The following CTIF variants were observed in gnomAD, a reference collection of about 807,000 sequenced individuals.
The protein encoded by CTIF is CBP80/20-dependent translation initiation factor.
In CTIF, 21 loss-of-function variants were observed where a neutral mutation model predicts 66.0. That is an observed-to-expected ratio of 0.32 (90% confidence interval 0.23 to 0.46). The LOEUF is 0.46. CTIF is among the 20% of genes least tolerant of loss of function. The pLI is 1.00. For synonymous variants in CTIF, 345 were observed against 326.4 expected, an observed-to-expected ratio of 1.06 and a Z score of -0.62; for missense variants, 739 against 812.7, an observed-to-expected ratio of 0.91 and a Z score of 1.10.
intron 3 of CTIF, among the ~76,000 whole-genome samples, chr18:48,639,067 C>T (rs2090878732): frequency 6.6e-6 from 1 of 152,232 alleles, no homozygotes; most frequent in African/African-American, 2.4e-5. Context: ...ACACCCCCTG[C>T]CACAGACATG....
intron 9 of CTIF, among the ~76,000 whole-genome samples, chr18:48,767,476 A>G (rs1909682105): frequency 6.6e-6 from 1 of 152,196 alleles, no homozygotes; most frequent in African/African-American, 2.4e-5. Context: ...TGCTCTGTTT[A>G]GCCAAGAGGT....
chr18:48,850,994 C>G (rs1017012421), intron 10 of CTIF, among the ~76,000 whole-genome samples: 6 of 152,222 alleles, frequency 3.9e-5, no homozygotes, highest in African/African-American at 1.4e-4. Context: ...TTGAGAAAAC[C>G]CAGCAGGCCG....
At chr18:48,797,587 G>A (rs2067955133) in intron 9 of CTIF, among the ~76,000 whole-genome samples, 1 of 151,584 alleles carries the variant, frequency 6.6e-6, no homozygotes, top group African/African-American at 2.4e-5. Context: ...CTGGGGATTT[G>A]CTGGGGAGAC....
intron 3 of CTIF, among the ~76,000 whole-genome samples, chr18:48,661,052 G>T (rs1257226719): frequency 6.6e-6 from 1 of 152,198 alleles, no homozygotes; most frequent in African/African-American, 2.4e-5. Context: ...TTACAAAGTG[G>T]CATCTCCTCA....
Position 48,666,583 on chromosome 18 carries a change from C to T in CTIF, c.431+2032C>T, listed in dbSNP as rs777680124. On this transcript the variant is annotated intron_variant, in intron 5 of 11. Coordinates refer to ENST00000256413, the MANE Select transcript of CTIF (RefSeq NM_014772.3). ...CTGGGGAGAGGCCCATCACTTGCAT[C>T]CGACTCTCCCAGGAGACACCAGCCT... 5.4e-4 allele frequency among the ~76,000 whole-genome samples: 82 copies of T among 152,208 alleles called. 2 individuals carry two copies. The highest frequency in any genetic ancestry group is 1.6e-4 in the Non-Finnish European group (11 of 68,038).
At chr18:48,679,867 G>T (rs1291352689) in intron 6 of CTIF, among the ~76,000 whole-genome samples, 1 of 152,168 alleles carries the variant, frequency 6.6e-6, no homozygotes, top group Non-Finnish European at 1.5e-5. Flanking sequence ...GGGGTGGCCT[G>T]GGAGGGGAGA....
intron 1 of CTIF, among the ~76,000 whole-genome samples, chr18:48,563,033 C>G (rs2089197429): frequency 6.6e-6 from 1 of 152,216 alleles, no homozygotes; most frequent in Admixed American, 6.5e-5. Context: ...TGCAAATGAC[C>G]CCACATAGCC....
At chr18:48,805,905 T>C (rs531449083) in intron 9 of CTIF, among the ~76,000 whole-genome samples, 446 of 152,330 alleles carry the variant, frequency 2.9e-3, no homozygotes, top group Non-Finnish European at 4.7e-3. Context: ...CCACACACGT[T>C]CATTGAACAC....
intron 2 of CTIF, chr18:48,625,385 T>G: frequency 1.1e-5 from 2 of 183,060 alleles, no homozygotes; most frequent in Non-Finnish European, 2.1e-5. Flanking sequence ...ATAATTAAAT[T>G]CTCCTGAGCT....
intron 6 of CTIF, among the ~76,000 whole-genome samples, chr18:48,676,833 A>G (rs1309981331): frequency 6.6e-6 from 1 of 151,990 alleles, no homozygotes. Context: ...CTACCTCTCT[A>G]AAGAATCCGA....
intron 9 of CTIF, among the ~76,000 whole-genome samples, chr18:48,773,315 T>C (rs1432556564): frequency 6.6e-6 from 1 of 152,222 alleles, no homozygotes; most frequent in Non-Finnish European, 1.5e-5. Context: ...CCAGGGGTTC[T>C]AGGTAGCCAC....
chr18:48,649,690 A>G (rs2144754344), intron 3 of CTIF, among the ~76,000 whole-genome samples: 1 of 151,972 alleles, frequency 6.6e-6, no homozygotes, highest in Middle Eastern at 3.4e-3. Flanking sequence ...ACTGGGAAAC[A>G]CCTCCCAGTA....
chr18:48,806,450 GAAAC>G (rs1171801677), intron 9 of CTIF, among the ~76,000 whole-genome samples: 6 of 152,184 alleles, frequency 3.9e-5, no homozygotes, highest in Admixed American at 3.9e-4. Flanking sequence ...TCTCTGGACA[GAAAC>G]AAACCAGGGT....
intron 9 of CTIF, among the ~76,000 whole-genome samples, chr18:48,780,766 C>G (rs1911130405): frequency 6.6e-6 from 1 of 152,216 alleles, no homozygotes; most frequent in Non-Finnish European, 1.5e-5. Flanking sequence ...AAGGGCCCCA[C>G]AGGGGCAAGA....
intron 6 of CTIF, among the ~76,000 whole-genome samples, chr18:48,677,249 G>A (rs113051151): frequency 0.079 from 12,059 of 152,172 alleles, 557 homozygotes; most frequent in Non-Finnish European, 0.097. Context: ...CCTGTGCACC[G>A]GCGACTGTTG....
At chr18:48,680,126 C>A (rs989836398) in intron 6 of CTIF, among the ~76,000 whole-genome samples, 1 of 152,172 alleles carries the variant, frequency 6.6e-6, no homozygotes, top group African/African-American at 2.4e-5. Context: ...TCCTGGAGAC[C>A]AAGAGGGAGT....
At chr18:48,555,422 G>A (rs1030489272) in intron 1 of CTIF, among the ~76,000 whole-genome samples, 5 of 152,222 alleles carry the variant, frequency 3.3e-5, no homozygotes, top group African/African-American at 1.2e-4. Context: ...AGAAGCTGGT[G>A]AGATTATTGA....
chr18:48,836,330 T>C (rs2146499598), intron 10 of CTIF, among the ~76,000 whole-genome samples: 1 of 152,268 alleles, frequency 6.6e-6, no homozygotes, highest in East Asian at 1.9e-4. Flanking sequence ...AGGGTCCCCA[T>C]GCTCAGCCTG....
chr18:48,734,448 C>A (rs573799760), intron 7 of CTIF, among the ~76,000 whole-genome samples: 1 of 152,174 alleles, frequency 6.6e-6, no homozygotes, highest in African/African-American at 2.4e-5. Flanking sequence ...GGCATGTAGT[C>A]CCCGCTACTC....
Sources: gnomAD v4.1 joint callset for allele counts (sites outside exome capture counted in the v4.1 genomes callset) on GRCh38, gnomAD v4.1.1 for gene constraint, MANE v1.5 for transcripts, NCBI Gene and HGNC (gene_info 2026-07-23, HGNC 2026-07-21) for gene names.